Variants in CA10 observed in about 807,000 individuals in gnomAD.
The protein encoded by CA10 is carbonic anhydrase 10 (inactive).
Under a neutral mutation model 44.2 loss-of-function variants are expected in CA10, and 14 were observed. That is an observed-to-expected ratio of 0.32 (90% CI 0.21 to 0.50). The LOEUF (loss-of-function observed/expected upper bound fraction) is 0.50. CA10 is among the 20% of genes least tolerant of loss of function. The pLI, the probability that CA10 is intolerant of heterozygous loss-of-function variation, is 0.99. For synonymous variants in CA10, 159 were observed against 141.6 expected, an observed-to-expected ratio of 1.12 and a Z score of -0.87; for missense variants, 350 against 409.7, an observed-to-expected ratio of 0.85 and a Z score of 1.26.
At position 52,135,337 on chromosome 17, in the gene CA10, G is replaced by T. The variant is rs1026256776; in HGVS notation, c.61+22389C>A. On this transcript the variant is annotated intron_variant, in intron 1 of 8. Coordinates refer to ENST00000451037, the MANE Select transcript of CA10 (RefSeq NM_020178.5). ...AGACCACTGACCATGCAGTGGTTCT[G>T]GCCAGTCTATGGAGAATGTGCAGTA... Among the ~76,000 whole-genome samples the T allele has an allele frequency of 2.0e-5, 3 of 152,116 alleles. No homozygotes were observed. In the East Asian group the frequency reaches 5.8e-4, roughly 29 times the overall value.
chr17:51,979,182 C>A (rs559680895), intron 2 of CA10, among the ~76,000 whole-genome samples: 1 of 152,220 alleles, frequency 6.6e-6, no homozygotes, highest in East Asian at 1.9e-4. Context: ...AAAGACCCCA[C>A]AAGGGGTATT....
chr17:52,101,971 G>A (rs944141964), intron 1 of CA10, among the ~76,000 whole-genome samples: 17 of 151,592 alleles, frequency 1.1e-4, no homozygotes, highest in Admixed American at 6.6e-4. Flanking sequence ...ATACTGAAGA[G>A]TGATTGAGTC....
Position 51,827,053 on chromosome 17 carries a change from A to G in CA10, c.280-79235T>C, listed in dbSNP as rs79565172. ...ATCTCCTCAAGGTTTTACTTTCTTT[A>G]TGAGGCCTTCCTAGCAAACCTGGAC... is the stretch of plus-strand genomic sequence containing the variant. On this transcript the variant is annotated intron_variant, in intron 3 of 8. Coordinates refer to ENST00000451037, the MANE Select transcript of CA10 (RefSeq NM_020178.5). Among the ~76,000 whole-genome samples the G allele has an allele frequency of 6.4e-3, 978 of 152,232 alleles. 6 individuals carry two copies. Among genetic ancestry groups the G allele is most frequent in the Non-Finnish European group, 0.011 (775 of 68,004 alleles).
intron 4 of CA10, among the ~76,000 whole-genome samples, chr17:51,677,945 A>G (rs1914691754): frequency 6.6e-6 from 1 of 150,494 alleles, no homozygotes; most frequent in African/African-American, 2.4e-5. Context: ...CTGTACACCC[A>G]TGTTCACAGC....
intron 4 of CA10, among the ~76,000 whole-genome samples, chr17:51,712,260 G>C (rs1330738071): frequency 2.6e-5 from 4 of 152,128 alleles, no homozygotes; most frequent in African/African-American, 4.8e-5. Flanking sequence ...GCAATAACTT[G>C]CTACTTGAGG....
chr17:51,831,704 A>AGCGGCGGCAGCGGCAGCGGCG (rs1567854617), intron 3 of CA10, among the ~76,000 whole-genome samples: 1 of 148,654 alleles, frequency 6.7e-6, no homozygotes, highest in Non-Finnish European at 1.5e-5. Context: ...CAGCAGCAGC[A>AGCGGCGGCAGCGGCAGCGGCG]GCAGCAGCAG....
chr17:51,964,154 A>AAAAAAGG (rs530624159), intron 2 of CA10, among the ~76,000 whole-genome samples: 6 of 152,112 alleles, frequency 3.9e-5, no homozygotes, highest in Non-Finnish European at 8.8e-5. Context: ...ACCAACATTA[A>AAAAAAGG]AAAAAGGAAA....
chr17:51,854,662 C>A (rs1187926316), intron 3 of CA10, among the ~76,000 whole-genome samples: 5 of 152,090 alleles, frequency 3.3e-5, no homozygotes, highest in Non-Finnish European at 7.4e-5. Context: ...GTCTTGGTTC[C>A]CCTTTCTCTC....
chr17:51,867,683 G>A (rs960723440), intron 3 of CA10, among the ~76,000 whole-genome samples: 4 of 152,172 alleles, frequency 2.6e-5, no homozygotes, highest in African/African-American at 7.2e-5. Context: ...TTCCTGGAAG[G>A]CAACCAGTCA....
At chr17:51,725,387 A>C (rs1483956314) in intron 4 of CA10, among the ~76,000 whole-genome samples, 1 of 152,226 alleles carries the variant, frequency 6.6e-6, no homozygotes, top group Non-Finnish European at 1.5e-5. Flanking sequence ...TAGTTTCACT[A>C]AATGTCAAGG....
intron 1 of CA10, among the ~76,000 whole-genome samples, chr17:52,091,723 T>C (rs1157324341): frequency 5.9e-5 from 9 of 152,150 alleles, no homozygotes; most frequent in African/African-American, 2.2e-4. Flanking sequence ...CAATGAACAT[T>C]GCTGTTGGAG....
At chr17:52,098,772 A>T (rs1405652683) in intron 1 of CA10, among the ~76,000 whole-genome samples, 1 of 152,176 alleles carries the variant, frequency 6.6e-6, no homozygotes, top group Non-Finnish European at 1.5e-5. Flanking sequence ...GCATCCAACA[A>T]TGCACCTGAG....
intron 2 of CA10, among the ~76,000 whole-genome samples, chr17:52,016,811 G>A (rs145218653): frequency 4.6e-5 from 7 of 152,268 alleles, no homozygotes; most frequent in African/African-American, 1.7e-4. Flanking sequence ...TACTCAGGAG[G>A]CTGAGGTGGG....
At chr17:51,775,056 G>C (rs540886730) in intron 3 of CA10, among the ~76,000 whole-genome samples, 54 of 152,188 alleles carry the variant, frequency 3.5e-4, no homozygotes, top group Non-Finnish European at 7.5e-4. Context: ...ACAAGGGACT[G>C]TTCCCAGAGA....
chr17:52,068,362 C>T (rs949884525), intron 2 of CA10, among the ~76,000 whole-genome samples: 6 of 152,282 alleles, frequency 3.9e-5, no homozygotes, highest in East Asian at 3.9e-4. Flanking sequence ...TGAGGCCTCC[C>T]GGCCATACTT....
intron 2 of CA10, among the ~76,000 whole-genome samples, chr17:52,066,947 T>C (rs1987553462): frequency 6.6e-6 from 1 of 152,212 alleles, no homozygotes; most frequent in African/African-American, 2.4e-5. Context: ...CATAAAGAGA[T>C]GGTTTGATAT....
chr17:51,641,411 C>T (rs572977015), intron 6 of CA10, among the ~76,000 whole-genome samples: 3 of 152,238 alleles, frequency 2.0e-5, no homozygotes, highest in African/African-American at 7.2e-5. Context: ...AACCATCTTT[C>T]AACATAAGCA....
chr17:51,873,891 C>CT, intron 3 of CA10, among the ~76,000 whole-genome samples: 1 of 152,348 alleles, frequency 6.6e-6, no homozygotes, highest in South Asian at 2.1e-4. Context: ...CAACTAGACC[C>CT]TGATTGATAA....
intron 3 of CA10, among the ~76,000 whole-genome samples, chr17:51,789,742 T>C (rs1166124539): frequency 6.6e-6 from 1 of 152,166 alleles, no homozygotes; most frequent in East Asian, 1.9e-4. Context: ...CATACACAGG[T>C]GCTCATGACA....
Sources: gnomAD v4.1 joint callset for allele counts (sites outside exome capture counted in the v4.1 genomes callset) on GRCh38, gnomAD v4.1.1 for gene constraint, MANE v1.5 for transcripts, NCBI Gene and HGNC (gene_info 2026-07-23, HGNC 2026-07-21) for gene names.